Variants in MTUS2 observed in about 807,000 individuals in gnomAD.
The protein encoded by MTUS2 is microtubule-associated tumor suppressor candidate 2.
A neutral mutation model predicts 114.1 loss-of-function variants in MTUS2; 40 were observed. The ratio of observed to expected loss-of-function variants is 0.35; its 90% confidence interval spans 0.27 to 0.46. The LOEUF (loss-of-function observed/expected upper bound fraction) is 0.46, where lower values mean the gene tolerates loss of function less well. MTUS2 is among the 20% of genes least tolerant of loss of function. The pLI, the probability that MTUS2 is intolerant of heterozygous loss-of-function variation, is 1.00. For synonymous variants in MTUS2, 688 were observed against 672.0 expected, an observed-to-expected ratio of 1.02 and a Z score of -0.37; for missense variants, 1,679 against 1,705.4, an observed-to-expected ratio of 0.98 and a Z score of 0.27.
At chr13:29,255,391 T>C (rs1897257738) in intron 5 of MTUS2, among the ~76,000 whole-genome samples, 1 of 152,188 alleles carries the variant, frequency 6.6e-6, no homozygotes, top group Non-Finnish European at 1.5e-5. Flanking sequence ...TCATCCAAAA[T>C]TGACATTTTG....
intron 5 of MTUS2, among the ~76,000 whole-genome samples, chr13:29,116,844 G>T (rs73166425): frequency 1.3e-5 from 2 of 152,046 alleles, no homozygotes; most frequent in Non-Finnish European, 2.9e-5. Context: ...ATTTCATCTT[G>T]CTACTCAGAA....
chr13:29,113,302 G>A (rs1476352378), intron 5 of MTUS2, among the ~76,000 whole-genome samples: 1 of 152,174 alleles, frequency 6.6e-6, no homozygotes, highest in Admixed American at 6.5e-5. Flanking sequence ...GCCACTAAGG[G>A]ACTCCATGGA....
At chr13:28,821,722 G>T (rs2137915415) in intron 1 of MTUS2, among the ~76,000 whole-genome samples, 1 of 152,354 alleles carries the variant, frequency 6.6e-6, no homozygotes, top group South Asian at 2.1e-4. Flanking sequence ...CCAGGGGTGA[G>T]ACCCATTGTG....
chr13:29,047,098 T>A (rs1249718153), intron 4 of MTUS2, among the ~76,000 whole-genome samples: 1 of 152,230 alleles, frequency 6.6e-6, no homozygotes, highest in African/African-American at 2.4e-5. Flanking sequence ...TTAAGAATCC[T>A]TTGTTTGAGT....
intron 7 of MTUS2, among the ~76,000 whole-genome samples, chr13:29,350,549 C>T (rs1206622243): frequency 2.0e-5 from 3 of 151,928 alleles, no homozygotes; most frequent in African/African-American, 7.3e-5. Context: ...AGGCCAGGCT[C>T]ACCCAAGATC....
At chr13:28,822,073 A>G (rs1474394407) in intron 1 of MTUS2, among the ~76,000 whole-genome samples, 2 of 152,226 alleles carry the variant, frequency 1.3e-5, no homozygotes, top group African/African-American at 2.4e-5. Flanking sequence ...AGGAAAGATT[A>G]TTTTCCATAT....
chr13:29,068,146 T>A (rs966208045), intron 4 of MTUS2, among the ~76,000 whole-genome samples: 1 of 152,232 alleles, frequency 6.6e-6, no homozygotes, highest in Admixed American at 6.5e-5. Flanking sequence ...AATGATACCA[T>A]TGACCTTGGA....
At chr13:28,981,756 G>A (rs779694112) in intron 2 of MTUS2, among the ~76,000 whole-genome samples, 25 of 152,152 alleles carry the variant, frequency 1.6e-4, no homozygotes, top group Non-Finnish European at 2.8e-4. Flanking sequence ...AGCTGTCATC[G>A]GTGGCCCTGC....
At chr13:29,285,616 A>C (rs866094837) in intron 6 of MTUS2, among the ~76,000 whole-genome samples, 1 of 152,342 alleles carries the variant, frequency 6.6e-6, no homozygotes, top group South Asian at 2.1e-4. Context: ...TAAAAACACC[A>C]TGAGGATTGA....
At chr13:29,085,269 CTG>C (rs896142378) in intron 4 of MTUS2, among the ~76,000 whole-genome samples, 3 of 152,072 alleles carry the variant, frequency 2.0e-5, no homozygotes, top group East Asian at 3.8e-4. Context: ...TATTTAGTAA[CTG>C]TTATTTATTT....
intron 2 of MTUS2, among the ~76,000 whole-genome samples, chr13:28,920,511 G>A (rs975694026): frequency 3.3e-5 from 5 of 152,120 alleles, no homozygotes; most frequent in African/African-American, 1.2e-4. Flanking sequence ...ACCTGAAGCT[G>A]GCACAACACT....
At chr13:28,846,055 AATAT>A (rs10684198) in intron 2 of MTUS2, among the ~76,000 whole-genome samples, 3 of 143,158 alleles carry the variant, frequency 2.1e-5, no homozygotes, top group African/African-American at 2.5e-5. Context: ...TTAAAAAAAA[AATAT>A]ATATATATAT....
At chr13:29,050,418 G>T (rs900445966) in intron 4 of MTUS2, among the ~76,000 whole-genome samples, 1 of 151,762 alleles carries the variant, frequency 6.6e-6, no homozygotes, top group African/African-American at 2.4e-5. Context: ...TTCTTACAAA[G>T]CAAGTGACCC....
intron 2 of MTUS2, among the ~76,000 whole-genome samples, chr13:29,006,317 C>A (rs1885598743): frequency 6.6e-6 from 1 of 152,216 alleles, no homozygotes; most frequent in Non-Finnish European, 1.5e-5. Context: ...CTGGGCATTA[C>A]TCCTTTCTGT....
chr13:29,176,404 C>T (rs1893773488), intron 5 of MTUS2, among the ~76,000 whole-genome samples: 1 of 152,182 alleles, frequency 6.6e-6, no homozygotes, highest in South Asian at 2.1e-4. Context: ...GCACTCCCTA[C>T]TGTGGTGTCC....
rs190867193 is a variant in MTUS2 at position 29,316,497 on chromosome 13, C to A, written c.2807-8116C>A. Among the ~76,000 whole-genome samples the A allele has an allele frequency of 3.1e-3, 471 of 152,256 alleles. 1 individual carries two copies. The highest frequency in any genetic ancestry group is 3.4e-3 in the Non-Finnish European group (229 of 68,002). ...AGTCACCGCCTTCCTGCCCTCTCCC[C>A]AACACCCCGACTCTCTTCTAAGCTT... On this transcript the variant is annotated intron_variant, in intron 6 of 15. Transcript: ENST00000612955.
chr13:29,365,633 G>C (rs1370826857), intron 8 of MTUS2, among the ~76,000 whole-genome samples: 1 of 152,016 alleles, frequency 6.6e-6, no homozygotes, highest in African/African-American at 2.4e-5. Context: ...CCCAGATCCT[G>C]GTGGGCAGTT....
intron 2 of MTUS2, among the ~76,000 whole-genome samples, chr13:28,865,838 G>C (rs1021484677): frequency 6.6e-6 from 1 of 152,178 alleles, no homozygotes; most frequent in Non-Finnish European, 1.5e-5. Flanking sequence ...TGCAGGCTCA[G>C]CTGTTGCAGG....
intron 5 of MTUS2, among the ~76,000 whole-genome samples, chr13:29,182,484 C>G (rs560777943): frequency 6.6e-6 from 1 of 152,244 alleles, no homozygotes; most frequent in African/African-American, 2.4e-5. Context: ...CAGAATCAAT[C>G]ATTTCCTCCT....
Sources: gnomAD v4.1 joint callset for allele counts (sites outside exome capture counted in the v4.1 genomes callset) on GRCh38, gnomAD v4.1.1 for gene constraint, MANE v1.5 for transcripts, NCBI Gene and HGNC (gene_info 2026-07-23, HGNC 2026-07-21) for gene names.